EPHA6: variants seen among roughly 807,000 people sequenced by gnomAD.
EPHA6 encodes the protein EPH receptor A6, also known as ephrin type-A receptor 6.
EPHA6 carries 50 observed loss-of-function variants against 112.0 expected under a neutral mutation model. The observed-to-expected ratio is 0.45, with a 90% confidence interval of 0.36 to 0.56. The LOEUF is 0.56. Among genes scored for constraint, EPHA6 ranks in the 20% least tolerant of loss-of-function variants. The pLI is 0.00. For missense variants in EPHA6, 1,280 were observed against 1,417.4 expected (o/e 0.90, Z 1.56); for synonymous variants, 529 against 490.7 (o/e 1.08, Z -1.03).
intron 3 of EPHA6, among the ~76,000 whole-genome samples, chr3:97,175,538 T>C (rs2076813147): frequency 6.6e-6 from 1 of 152,002 alleles, no homozygotes; most frequent in Admixed American, 6.6e-5. Context: ...GGAATATTTT[T>C]CCATTTTTTG....
chr3:97,092,278 G>A (rs1394077016), intron 3 of EPHA6, among the ~76,000 whole-genome samples: 4 of 151,922 alleles, frequency 2.6e-5, no homozygotes, highest in Non-Finnish European at 1.5e-5. Flanking sequence ...TCATTGTGCT[G>A]AGCAATGGGG....
intron 3 of EPHA6, among the ~76,000 whole-genome samples, chr3:97,096,615 G>C (rs2047247242): frequency 6.6e-6 from 1 of 151,826 alleles, no homozygotes; most frequent in Admixed American, 6.6e-5. Context: ...ATCTCAGTGA[G>C]ACATGGGAGA....
chr3:97,745,432 T>C, intron 16 of EPHA6: 1 of 441,756 alleles, frequency 2.3e-6, no homozygotes. Flanking sequence ...CAATATGTAG[T>C]ACAGGAAAAA....
chr3:97,646,189 A>C (rs751638948), intron 14 of EPHA6: 3 of 1,535,756 alleles, frequency 2.0e-6, no homozygotes, highest in Non-Finnish European at 2.6e-6. Flanking sequence ...TTGTGTGAGC[A>C]GTGCGAGTCC....
intron 5 of EPHA6, among the ~76,000 whole-genome samples, chr3:97,247,484 G>C (rs2079017375): frequency 6.6e-6 from 1 of 151,692 alleles, no homozygotes; most frequent in Non-Finnish European, 1.5e-5. Context: ...TAAGTTGGGG[G>C]GCCATCTTAC....
chr3:97,696,920 A>G (rs1457982849), intron 14 of EPHA6, among the ~76,000 whole-genome samples: 3 of 152,202 alleles, frequency 2.0e-5, no homozygotes, highest in East Asian at 1.9e-4. Flanking sequence ...TTTGCGATAC[A>G]TAATTGTAAA....
At chr3:96,873,321 G>A (rs1373401486) in intron 2 of EPHA6, among the ~76,000 whole-genome samples, 1 of 151,684 alleles carries the variant, frequency 6.6e-6, no homozygotes, top group Non-Finnish European at 1.5e-5. Context: ...TCCAATTCTG[G>A]GGCAGTGCTT....
At chr3:97,626,400 C>T (rs1259133339) in intron 13 of EPHA6, among the ~76,000 whole-genome samples, 1 of 151,692 alleles carries the variant, frequency 6.6e-6, no homozygotes, top group Non-Finnish European at 1.5e-5. Context: ...TCTACATGAA[C>T]ACTCAACTCC....
intron 3 of EPHA6, among the ~76,000 whole-genome samples, chr3:97,225,582 A>G (rs1259373486): frequency 3.3e-5 from 5 of 152,164 alleles, no homozygotes; most frequent in Admixed American, 1.3e-4. Context: ...TGAAGAGACT[A>G]TTGTATATTT....
At chr3:97,650,013 T>C (rs1361276628) in intron 14 of EPHA6, among the ~76,000 whole-genome samples, 1 of 152,128 alleles carries the variant, frequency 6.6e-6, no homozygotes, top group African/African-American at 2.4e-5. Context: ...AAACTTTTTG[T>C]AAAGGATACT....
At chr3:97,053,101 A>G (rs2045739319) in intron 3 of EPHA6, among the ~76,000 whole-genome samples, 2 of 152,156 alleles carry the variant, frequency 1.3e-5, no homozygotes, top group East Asian at 1.9e-4. Flanking sequence ...AGCGACTTAT[A>G]TAGGATATTA....
intron 11 of EPHA6, among the ~76,000 whole-genome samples, chr3:97,544,841 T>C (rs1305144826): frequency 1.3e-5 from 2 of 152,314 alleles, no homozygotes; most frequent in African/African-American, 4.8e-5. Context: ...TGTCGAGGAA[T>C]TTATCCATTT....
At chr3:97,345,387 T>G (rs147036617) in intron 5 of EPHA6, among the ~76,000 whole-genome samples, 1 of 152,172 alleles carries the variant, frequency 6.6e-6, no homozygotes, top group Admixed American at 6.6e-5. Context: ...TGAGGTACTT[T>G]GCTAAGAATC....
intron 3 of EPHA6, among the ~76,000 whole-genome samples, chr3:97,215,131 C>G (rs912456039): frequency 6.6e-6 from 1 of 152,158 alleles, no homozygotes; most frequent in Non-Finnish European, 1.5e-5. Flanking sequence ...AATATTTAAT[C>G]AAACAATGAG....
At chr3:96,952,522 A>G (rs752947613) in intron 2 of EPHA6, among the ~76,000 whole-genome samples, 1 of 152,166 alleles carries the variant, frequency 6.6e-6, no homozygotes, top group Non-Finnish European at 1.5e-5. Flanking sequence ...CCTTTCTGCC[A>G]TGTTATAACT....
At chr3:96,844,902 G>A (rs1355089650) in intron 1 of EPHA6, among the ~76,000 whole-genome samples, 1 of 151,966 alleles carries the variant, frequency 6.6e-6, no homozygotes, top group Non-Finnish European at 1.5e-5. Flanking sequence ...CTCAATTCAT[G>A]TAGTCTTTGT....
Position 97,748,644 on chromosome 3 carries a change from C to G in EPHA6, c.3336C>G (p.Ser1112Arg). Residue 1112 changes from serine (S) to arginine (R), a missense_variant, in exon 18 of 18, where the codon AGC becomes AGG. This residue lies in a region of EPHA6 where 145 missense variants were observed against 153.3 expected (regional missense o/e 0.95). Transcript: ENST00000389672. The part of the protein sequence containing the change: ...LIGHQRRIVS[S>R]IQTLRLHMMH... ...GACACCAGAGACGAATAGTCAGCAG[C>G]ATACAGACTTTACGTTTACACATGA... 6.2e-7 allele frequency: 1 copy of G among 1,612,612 alleles called. No homozygotes were observed. Among genetic ancestry groups the G allele is most frequent in the Non-Finnish European group, 8.5e-7 (1 of 1,178,856 alleles).
rs141762209 is a variant in EPHA6 at position 97,107,750 on chromosome 3, G to C, written c.1115-118514G>C. 8.2e-3 allele frequency among the ~76,000 whole-genome samples: 1,243 copies of C among 152,086 alleles called. 14 individuals are homozygous for C. The highest frequency in any genetic ancestry group is 0.028 in the African/African-American group (1,181 of 41,514). On this transcript the variant is annotated intron_variant, in intron 3 of 17. Coordinates refer to ENST00000389672, the MANE Select transcript of EPHA6 (RefSeq NM_001080448.3). Reference sequence around the variant, plus strand: ...TACTTGATTCTGATGTATTAGGGAGGCTGAATTTCTAGAGAATAAATATAG... The same window carrying C: ...TACTTGATTCTGATGTATTAGGGAGCCTGAATTTCTAGAGAATAAATATAG...
intron 5 of EPHA6, among the ~76,000 whole-genome samples, chr3:97,355,585 C>G (rs2084029410): frequency 6.6e-6 from 1 of 151,838 alleles, no homozygotes; most frequent in Admixed American, 6.6e-5. Flanking sequence ...ATCACCTTCA[C>G]AAAAAGGAAG....
Sources: allele counts gnomAD v4.1 joint callset (sites outside exome capture counted in the v4.1 genomes callset), GRCh38; gene constraint gnomAD v4.1.1; regional missense constraint gnomAD v4.1.1; transcripts MANE v1.5; gene names NCBI Gene and HGNC (gene_info 2026-07-23, HGNC 2026-07-21).